Variants in KDM4B observed in about 807,000 individuals in gnomAD.
The protein encoded by KDM4B is lysine demethylase 4B, also known as lysine-specific demethylase 4B.
A neutral mutation model predicts 125.2 loss-of-function variants in KDM4B; 32 were observed. That is an observed-to-expected ratio of 0.26 (90% CI 0.19 to 0.34). The LOEUF (loss-of-function observed/expected upper bound fraction) is 0.34. KDM4B is among the 10% of genes least tolerant of loss of function. KDM4B has a pLI of 1.00. For missense variants in KDM4B, 1,190 were observed against 1,577.7 expected, an observed-to-expected ratio of 0.75 and a Z score of 4.16; for synonymous variants, 721 against 677.9, an observed-to-expected ratio of 1.06 and a Z score of -0.99.
intron 9 of KDM4B, among the ~76,000 whole-genome samples, chr19:5,086,519 C>T (rs539990873): frequency 5.9e-5 from 9 of 152,326 alleles, no homozygotes; most frequent in African/African-American, 1.9e-4. Context: ...GCGTCTGCTT[C>T]GCCCCGCGGA....
In KDM4B at chr19:4,970,953, G is replaced by A. The variant is rs1366816357; in HGVS notation, c.-109+1723G>A. ...CACCAGGACGGGTCAGACTGTCCTGGCCTAGAGGAGGTCACCGCTGGGGAG... is the reference window on the plus strand; with the variant it reads ...CACCAGGACGGGTCAGACTGTCCTGACCTAGAGGAGGTCACCGCTGGGGAG... On this transcript the variant is annotated intron_variant, in intron 1 of 22. Transcript: ENST00000159111. Among the ~76,000 whole-genome samples, 5 of 152,240 alleles carry A rather than the reference G, an allele frequency of 3.3e-5. No individual in the cohort carries two copies. In the East Asian group the frequency reaches 9.7e-4, roughly 29 times the overall value.
At chr19:5,084,342 A>G (rs984008479) in intron 9 of KDM4B, among the ~76,000 whole-genome samples, 2 of 144,898 alleles carry the variant, frequency 1.4e-5, no homozygotes, top group South Asian at 2.1e-4. Flanking sequence ...TAATTTATAT[A>G]TTGTATGTAA....
chr19:5,077,461 C>T lies in KDM4B; in HGVS notation c.771C>T (p.Pro257=), dbSNP rs1170552095. The stretch of plus-strand genomic sequence containing the variant: ...TCATCCTGAAGAAGTACGGGATCCC[C>T]TTCAGCCGGGTGCGTACGGGTGGGG... The part of the protein sequence containing the change: ...SPIILKKYGI[P]FSRITQEAGE... Residue 257 remains proline (P), a synonymous_variant, in exon 8 of 23, where the codon CCC becomes CCT. Transcript: ENST00000159111. The T allele has an allele frequency of 2.5e-6, 4 of 1,613,274 alleles. No homozygotes were observed. The highest frequency in any genetic ancestry group is 3.4e-6 in the Non-Finnish European group (4 of 1,179,894).
chr19:5,042,971 G>T (rs1378767186), intron 5 of KDM4B, among the ~76,000 whole-genome samples: 1 of 147,536 alleles, frequency 6.8e-6, no homozygotes, highest in Non-Finnish European at 1.5e-5. Context: ...TTTTGACTGT[G>T]TCTTAACTGT....
chr19:4,970,669 A>C (rs1010922437), intron 1 of KDM4B, among the ~76,000 whole-genome samples: 1 of 146,098 alleles, frequency 6.8e-6, no homozygotes, highest in African/African-American at 2.5e-5. Context: ...CTAATTCTCC[A>C]ATAATAGCTT....
intron 21 of KDM4B, among the ~76,000 whole-genome samples, chr19:5,146,921 A>G (rs2039857999): frequency 7.5e-6 from 1 of 132,678 alleles, no homozygotes. Context: ...AGCTTGGGTG[A>G]CACTGAGACC....
intron 6 of KDM4B, among the ~76,000 whole-genome samples, chr19:5,053,036 G>C (rs2037281961): frequency 1.3e-5 from 2 of 152,370 alleles, no homozygotes; most frequent in South Asian, 2.1e-4. Context: ...GGCGGAGATT[G>C]GTGTCCCGAC....
chr19:4,989,674 A>G (rs916562656), intron 1 of KDM4B, among the ~76,000 whole-genome samples: 3 of 147,596 alleles, frequency 2.0e-5, no homozygotes, highest in Admixed American at 6.8e-5. Flanking sequence ...TTTTTGTGAG[A>G]TGGAGTTTCA....
At position 5,035,909 on chromosome 19, in the gene KDM4B, G is replaced by A. The variant is rs76391445; in HGVS notation, c.141+2878G>A. Among the ~76,000 whole-genome samples, 9,888 of 150,082 alleles carry A rather than the reference G, an allele frequency of 0.066. 345 individuals carry two copies. The highest frequency in any genetic ancestry group is 0.093 in the Admixed American group (1,403 of 15,150). On this transcript the variant is annotated intron_variant, in intron 3 of 22. Transcript: ENST00000159111. This position sits in a 1 kb window ranked among gnomAD's most constrained non-coding sequence, Gnocchi z 5.3. Reference sequence around the variant, plus strand: ...CGCGCGCGCGCGCCTGCGCGCACAGGAGACTGAGGTGGGGAGGCAGCTCTC... The same window carrying A: ...CGCGCGCGCGCGCCTGCGCGCACAGAAGACTGAGGTGGGGAGGCAGCTCTC...
At chr19:5,087,383 G>C (rs1420287626) in intron 9 of KDM4B, among the ~76,000 whole-genome samples, 1 of 152,188 alleles carries the variant, frequency 6.6e-6, no homozygotes, top group Non-Finnish European at 1.5e-5. Context: ...CTCCACTCCT[G>C]CTCATCCCCT....
intron 10 of KDM4B, among the ~76,000 whole-genome samples, chr19:5,117,364 G>T (rs973308182): frequency 2.6e-5 from 4 of 152,066 alleles, no homozygotes; most frequent in Admixed American, 2.0e-4. Context: ...AGAAGGGGCT[G>T]TGGAGCTGGG....
At chr19:5,037,764 A>G (rs1020416721) in intron 3 of KDM4B, among the ~76,000 whole-genome samples, 2 of 152,166 alleles carry the variant, frequency 1.3e-5, no homozygotes, top group Non-Finnish European at 2.9e-5. Flanking sequence ...CAGTCGTGAA[A>G]GCCACAGACA....
At chr19:5,056,405 CT>C (rs941745686) in intron 6 of KDM4B, among the ~76,000 whole-genome samples, 235 of 136,288 alleles carry the variant, frequency 1.7e-3, no homozygotes, top group African/African-American at 2.0e-3. Context: ...CCCTTTCTTT[CT>C]TTTTTTTTTT....
chr19:4,986,682 C>T (rs534538956), intron 1 of KDM4B, among the ~76,000 whole-genome samples: 8 of 152,348 alleles, frequency 5.3e-5, no homozygotes, highest in African/African-American at 1.9e-4. Flanking sequence ...CAGGGAGGGC[C>T]TCTCCCAGCA....
At chr19:5,027,805 T>C (rs2036327739) in intron 2 of KDM4B, among the ~76,000 whole-genome samples, 1 of 152,320 alleles carries the variant, frequency 6.6e-6, no homozygotes, top group East Asian at 1.9e-4. Flanking sequence ...CCTCACAAAG[T>C]GCTGGGATTA....
At chr19:5,044,612 A>G (rs1409980936) in intron 5 of KDM4B, among the ~76,000 whole-genome samples, 1 of 152,134 alleles carries the variant, frequency 6.6e-6, no homozygotes, top group Non-Finnish European at 1.5e-5. Flanking sequence ...GCAGTGGCGC[A>G]ATCTCAGCTC....
At chr19:5,049,559 A>G (rs975246595) in intron 6 of KDM4B, among the ~76,000 whole-genome samples, 25 of 151,752 alleles carry the variant, frequency 1.6e-4, no homozygotes, top group African/African-American at 5.6e-4. Flanking sequence ...GCTGCAGGGC[A>G]TGCCCTCAAC....
At chr19:5,069,321 A>G (rs943952781) in intron 6 of KDM4B, among the ~76,000 whole-genome samples, 1 of 150,980 alleles carries the variant, frequency 6.6e-6, no homozygotes, top group Admixed American at 6.6e-5. Flanking sequence ...ATTTTTTTTA[A>G]TTTTTTGAGA....
At chr19:5,008,986 G>A (rs2035650091) in intron 1 of KDM4B, among the ~76,000 whole-genome samples, 2 of 147,930 alleles carry the variant, frequency 1.4e-5, no homozygotes, top group Admixed American at 6.8e-5. Flanking sequence ...CATGATCTCG[G>A]CTCAGGCAGC....
Sources: gnomAD v4.1 joint callset for allele counts (sites outside exome capture counted in the v4.1 genomes callset) on GRCh38, gnomAD v4.1.1 for gene constraint, Gnocchi (gnomAD v3.1) non-coding constraint, MANE v1.5 for transcripts, NCBI Gene and HGNC (gene_info 2026-07-23, HGNC 2026-07-21) for gene names.